Variants in CDHR3 observed in about 807,000 individuals in gnomAD.
The protein encoded by CDHR3 is cadherin-related family member 3.
A neutral mutation model predicts 86.6 loss-of-function variants in CDHR3; 79 were observed. That is an observed-to-expected ratio of 0.91 (90% CI 0.76 to 1.10). CDHR3 has a LOEUF of 1.10. Among genes scored for constraint, CDHR3 ranks in the 50% least tolerant of loss-of-function variants. The pLI is 0.00. For missense variants in CDHR3, 1,081 were observed against 1,077.6 expected, an observed-to-expected ratio of 1.00 and a Z score of -0.04; for synonymous variants, 421 against 402.4, an observed-to-expected ratio of 1.05 and a Z score of -0.55.
chr7:106,007,287 G>A (rs1834075463), intron 8 of CDHR3, among the ~76,000 whole-genome samples: 1 of 152,184 alleles, frequency 6.6e-6, no homozygotes, highest in Non-Finnish European at 1.5e-5. Context: ...TTACCCCATT[G>A]TCTTGGTGAT....
intron 6 of CDHR3, among the ~76,000 whole-genome samples, chr7:105,998,506 G>C (rs1563264512): frequency 6.6e-6 from 1 of 152,194 alleles, no homozygotes; most frequent in Non-Finnish European, 1.5e-5. Context: ...AAAAGCACCT[G>C]ACACACCGGG....
At chr7:105,970,110 T>A (rs1478192978) in intron 1 of CDHR3, among the ~76,000 whole-genome samples, 1 of 152,076 alleles carries the variant, frequency 6.6e-6, no homozygotes, top group African/African-American at 2.4e-5. Flanking sequence ...TGAGTGATGG[T>A]CTCAGGGAGT....
intron 7 of CDHR3, 30 bp downstream of exon 7, chr7:106,001,640 A>C (rs10229260): frequency 0.024 from 38,916 of 1,611,956 alleles, 1,819 homozygotes; most frequent in South Asian, 0.16. Flanking sequence ...CCTTAAGTGC[A>C]TCCTCTAATT....
At chr7:106,026,804 C>A (rs1030978562) in intron 16 of CDHR3, 109 bp downstream of exon 16, 4 of 1,127,952 alleles carry the variant, frequency 3.5e-6, no homozygotes, top group Non-Finnish European at 4.0e-6. Flanking sequence ...CATCTTGGAG[C>A]ATTTTCAGCT....
chr7:105,994,685 A>G, intron 4 of CDHR3, 66 bp from the exon 5 acceptor site: 3 of 1,059,338 alleles, frequency 2.8e-6, no homozygotes, highest in Admixed American at 3.9e-5. Context: ...AAATGAGCAC[A>G]CACATCTTCT....
At chr7:105,980,905 G>A in intron 2 of CDHR3, 63 bp from the exon 3 acceptor site, 1 of 1,445,772 alleles carries the variant, frequency 6.9e-7, no homozygotes. Context: ...CCTTTGCAAA[G>A]TGCATGCATG....
chr7:106,010,898 G>C (rs1834697999), intron 8 of CDHR3, among the ~76,000 whole-genome samples: 1 of 152,230 alleles, frequency 6.6e-6, no homozygotes, highest in South Asian at 2.1e-4. Context: ...TGCAGTTAAG[G>C]AGTGTTCAGC....
At chr7:105,999,344 G>A (rs1832768736) in intron 6 of CDHR3, among the ~76,000 whole-genome samples, 1 of 152,224 alleles carries the variant, frequency 6.6e-6, no homozygotes, top group Admixed American at 6.5e-5. Context: ...CCAGTAGCCT[G>A]ACCAGTTCCC....
intron 7 of CDHR3, 106 bp downstream of exon 7, chr7:106,001,716 C>A: frequency 7.1e-7 from 1 of 1,417,140 alleles, no homozygotes; most frequent in Non-Finnish European, 9.7e-7. Flanking sequence ...TTCTAGGATG[C>A]ACCGTGGATA....
chr7:106,018,098 C>T (rs1162139218), intron 12 of CDHR3, 26 bp downstream of exon 12: 1 of 1,592,440 alleles, frequency 6.3e-7, no homozygotes, highest in Non-Finnish European at 8.6e-7. Flanking sequence ...TGGTATAGTG[C>T]CGGTAACCCA....
intron 16 of CDHR3, among the ~76,000 whole-genome samples, chr7:106,027,290 G>A (rs1049300592): frequency 9.9e-5 from 15 of 151,902 alleles, no homozygotes; most frequent in African/African-American, 1.5e-4. Context: ...CCAGCTACTC[G>A]GGAGGCTGAG....
chr7:106,002,445 C>T (rs1833339476), intron 7 of CDHR3, among the ~76,000 whole-genome samples: 1 of 151,520 alleles, frequency 6.6e-6, no homozygotes, highest in Non-Finnish European at 1.5e-5. Flanking sequence ...CAGATTCTTC[C>T]TGGCATCTCT....
chr7:105,986,125 C>T (rs1018573127), intron 4 of CDHR3, among the ~76,000 whole-genome samples: 1 of 152,098 alleles, frequency 6.6e-6, no homozygotes, highest in African/African-American at 2.4e-5. Context: ...CAGGCAGGCC[C>T]AATCTGTCCC....
chr7:106,015,845 C>A, intron 10 of CDHR3, 82 bp from the exon 11 acceptor site: 1 of 1,037,346 alleles, frequency 9.6e-7, no homozygotes, highest in Non-Finnish European at 1.5e-6. Context: ...AGCCTGTACA[C>A]AGGAGATTCT....
chr7:105,972,477 CT>C (rs1349193254), intron 1 of CDHR3, among the ~76,000 whole-genome samples: 29 of 152,144 alleles, frequency 1.9e-4, no homozygotes, highest in African/African-American at 6.8e-4. Context: ...AGATTGCCAA[CT>C]TTCCATTTCC....
intron 9 of CDHR3, among the ~76,000 whole-genome samples, chr7:106,014,263 C>T (rs1472492058): frequency 6.6e-6 from 1 of 152,140 alleles, no homozygotes; most frequent in African/African-American, 2.4e-5. Flanking sequence ...TACAGTAGTG[C>T]TCCCTTATCC....
At chr7:105,998,236 G>T (rs1359761374) in intron 6 of CDHR3, among the ~76,000 whole-genome samples, 1 of 152,140 alleles carries the variant, frequency 6.6e-6, no homozygotes, top group Non-Finnish European at 1.5e-5. Context: ...TTTAATTCAG[G>T]ATTAACAAAA....
Position 106,022,744 on chromosome 7 carries a change from G to A in CDHR3, c.2076+296G>A, listed in dbSNP as rs1836769513. ...CAGACCTCAACCATCTGTGTGGCTTGTGGCACAGGAGCTGATTTCCATGGG... is the reference window on the plus strand; with the variant it reads ...CAGACCTCAACCATCTGTGTGGCTTATGGCACAGGAGCTGATTTCCATGGG... On this transcript the variant is annotated intron_variant, in intron 14 of 18. Coordinates refer to ENST00000317716, the MANE Select transcript of CDHR3 (RefSeq NM_152750.5). Among the ~76,000 whole-genome samples, 4 of 152,200 alleles carry A rather than the reference G, an allele frequency of 2.6e-5. 1 individual carries two copies. The South Asian group carries it at 8.3e-4, about 32-fold the overall frequency.
chr7:106,017,173 A>T (rs998249208), intron 11 of CDHR3, among the ~76,000 whole-genome samples: 5 of 152,216 alleles, frequency 3.3e-5, no homozygotes, highest in African/African-American at 1.2e-4. Flanking sequence ...TTTAGACAAT[A>T]CTGCTGCAAA....
Sources: allele counts gnomAD v4.1 joint callset (sites outside exome capture counted in the v4.1 genomes callset), GRCh38; gene constraint gnomAD v4.1.1; transcripts MANE v1.5; gene names NCBI Gene and HGNC (gene_info 2026-07-23, HGNC 2026-07-21).